FSCN2: variants seen among roughly 807,000 people sequenced by gnomAD.
FSCN2 encodes the protein fascin actin-bundling protein 2, retinal.
Under a neutral mutation model 37.8 loss-of-function variants are expected in FSCN2, and 46 were observed. The observed-to-expected ratio is 1.22, with a 90% confidence interval of 0.96 to 1.56. The LOEUF (loss-of-function observed/expected upper bound fraction) is 1.56, where lower values mean the gene tolerates loss of function less well. FSCN2 is among the 40% of genes most tolerant of loss of function. FSCN2 has a pLI of 0.00. For synonymous variants in FSCN2, 351 were observed against 309.4 expected, an observed-to-expected ratio of 1.13 and a Z score of -1.41; for missense variants, 844 against 730.4, an observed-to-expected ratio of 1.16 and a Z score of -1.79.
the FSCN2 span, among the ~76,000 whole-genome samples, chr17:81,515,740 C>T: frequency 1.3e-5 from 2 of 152,286 alleles, no homozygotes; most frequent in South Asian, 4.1e-4. Flanking sequence ...CGCCAACCAC[C>T]TGGCCGGCTA....
the FSCN2 span, among the ~76,000 whole-genome samples, chr17:81,517,359 AAAG>A: frequency 2.0e-5 from 3 of 152,126 alleles, no homozygotes; most frequent in African/African-American, 7.2e-5. Context: ...TCCTGTCAAA[AAAG>A]AGGAGAGGGC....
chr17:81,536,407 A>T (rs2032878711), intron 3 of FSCN2, 140 bp downstream of exon 3: 1 of 1,433,128 alleles, frequency 7.0e-7, no homozygotes, highest in Non-Finnish European at 9.4e-7. Context: ...CATACTTGCT[A>T]GTCAAGATAA....
the FSCN2 span, among the ~76,000 whole-genome samples, chr17:81,522,009 T>A: frequency 6.6e-6 from 1 of 151,742 alleles, no homozygotes; most frequent in African/African-American, 2.4e-5. Flanking sequence ...GTCATAAACT[T>A]TTTTTTTTGA....
chr17:81,521,869 A>C, the FSCN2 span, among the ~76,000 whole-genome samples: 1 of 152,242 alleles, frequency 6.6e-6, no homozygotes, highest in Non-Finnish European at 1.5e-5. Context: ...CATCAGTATC[A>C]CACTGTTTAT....
chr17:81,521,309 C>T, the FSCN2 span, among the ~76,000 whole-genome samples: 1 of 151,810 alleles, frequency 6.6e-6, no homozygotes, highest in African/African-American at 2.4e-5. Context: ...CTCAGGTGAT[C>T]CACCCGCCTT....
At position 81,529,018 on chromosome 17, in the gene FSCN2, G is replaced by A. The variant is rs367599003; in HGVS notation, c.487G>A (p.Ala163Thr). ...GTGCCCGCGGGAGGACGAGATGGCC[G>A]CAGACGGAGACAAGCCCTGGGGCGT... The part of the protein sequence containing the change: ...HLCPREDEMA[A>T]DGDKPWGVDA... Residue 163 changes from alanine (A) to threonine (T), a missense_variant, in exon 1 of 5, where the codon GCA becomes ACA. Ala to Thr is a moderately conservative substitution (Grantham distance 58, BLOSUM62 0). Coordinates refer to ENST00000417245, the MANE Select transcript of FSCN2 (RefSeq NM_012418.4). 71 of 1,585,418 alleles carry A rather than the reference G, an allele frequency of 4.5e-5. No individual in the cohort carries two copies. The African/African-American group carries it at 7.0e-4, about 16-fold the overall frequency.
chr17:81,530,507 G>T, intron 1 of FSCN2: 2 of 442,934 alleles, frequency 4.5e-6, no homozygotes, highest in Non-Finnish European at 8.8e-6. Context: ...ATGCACCCCA[G>T]AGTGGCTCGG....
chr17:81,531,710 AGTGATG>A (rs1391245399), intron 1 of FSCN2, among the ~76,000 whole-genome samples: 3 of 32,512 alleles, frequency 9.2e-5, no homozygotes, highest in Non-Finnish European at 1.7e-4. Flanking sequence ...TGATGATGAT[AGTGATG>A]GTGGTGATGG....
chr17:81,532,107 GTGATGGCGA>G (rs1568078677), intron 1 of FSCN2, among the ~76,000 whole-genome samples: 1 of 118,652 alleles, frequency 8.4e-6, no homozygotes. Context: ...GGTGATGATA[GTGATGGCGA>G]TGATGGTGAT....
chr17:81,536,097 C>T lies in FSCN2; in HGVS notation c.984-49C>T, dbSNP rs376144988. The stretch of plus-strand genomic sequence containing the variant: ...AGGAGGATGGGGAAGTGAGACCCTG[C>T]ACCCCCATCTCCTGCTGTCCTGAGG... On this transcript the variant is annotated intron_variant, in intron 2 of 4. Transcript: ENST00000417245. The T allele has an allele frequency of 5.9e-5, 94 of 1,585,984 alleles. No homozygotes were observed. In the African/African-American group the frequency reaches 1.2e-3, roughly 20 times the overall value.
At chr17:81,525,487 C>G (rs1555670007), upstream of FSCN2, among the ~76,000 whole-genome samples, 1 of 148,436 alleles carries the variant, frequency 6.7e-6, no homozygotes, top group Non-Finnish European at 1.5e-5. Context: ...CTTTGAGAGG[C>G]TGAGGAGGCC....
chr17:81,525,618 G>C (rs1222595156), upstream of FSCN2, among the ~76,000 whole-genome samples: 1 of 151,962 alleles, frequency 6.6e-6, no homozygotes. Flanking sequence ...CCAGCAACTC[G>C]GGAGGCCGAG....
At chr17:81,530,201 A>G in intron 1 of FSCN2, 1 of 279,684 alleles carries the variant, frequency 3.6e-6, no homozygotes, top group Non-Finnish European at 7.1e-6. Flanking sequence ...CACGTGCCTG[A>G]CCAGTGGAGC....
At chr17:81,532,520 G>GTT (rs1179312030) in intron 1 of FSCN2, among the ~76,000 whole-genome samples, 2 of 62,850 alleles carry the variant, frequency 3.2e-5, no homozygotes, top group Non-Finnish European at 6.0e-5. Context: ...TGGTGACGAT[G>GTT]GTGATGATGA....
intron 1 of FSCN2, chr17:81,530,713 A>C (rs2032522456): frequency 2.2e-6 from 1 of 460,386 alleles, no homozygotes; most frequent in African/African-American, 2.1e-5. Context: ...GCCAGATGGC[A>C]GAGGCCCCAC....
intron 1 of FSCN2, among the ~76,000 whole-genome samples, chr17:81,534,313 G>A (rs2032783048): frequency 6.6e-6 from 1 of 152,126 alleles, no homozygotes; most frequent in Non-Finnish European, 1.5e-5. Flanking sequence ...TCCCCAGCTG[G>A]ACAGGCCACC....
chr17:81,526,294 C>T (rs117366698), upstream of FSCN2, among the ~76,000 whole-genome samples: 668 of 152,314 alleles, frequency 4.4e-3, 7 homozygotes, highest in East Asian at 0.031. Flanking sequence ...GCTGCCCCTC[C>T]GGCTTCCCCC....
At chr17:81,515,955 G>C in the FSCN2 span, among the ~76,000 whole-genome samples, 2 of 152,230 alleles carry the variant, frequency 1.3e-5, no homozygotes, top group African/African-American at 4.8e-5. Flanking sequence ...AGCGATTCTC[G>C]GGCCTTAGCC....
intron 1 of FSCN2, among the ~76,000 whole-genome samples, chr17:81,531,792 A>ATGG (rs1403639447): frequency 0.039 from 2,506 of 64,750 alleles, 195 homozygotes; most frequent in African/African-American, 0.11. Flanking sequence ...GATGATGGTG[A>ATGG]TGATGATAAT....
Sources: allele counts gnomAD v4.1 joint callset (sites outside exome capture counted in the v4.1 genomes callset), GRCh38; gene constraint gnomAD v4.1.1; transcripts MANE v1.5; gene names NCBI Gene and HGNC (gene_info 2026-07-23, HGNC 2026-07-21).